The following GON4L variants were observed in gnomAD, a reference collection of about 807,000 sequenced individuals.
GON4L encodes gon-4 like, also known as GON-4-like protein.
GON4L carries 87 observed loss-of-function variants against 211.8 expected under a neutral mutation model. The ratio of observed to expected loss-of-function variants is 0.41; its 90% confidence interval spans 0.35 to 0.49. The LOEUF (loss-of-function observed/expected upper bound fraction) is 0.49. Ranked by LOEUF, GON4L falls within the 20% of genes least tolerant of loss-of-function variation. The pLI, the probability that GON4L is intolerant of heterozygous loss-of-function variation, is 0.15. For missense variants in GON4L, 2,155 were observed against 2,659.5 expected (o/e 0.81, Z 4.17); for synonymous variants, 875 against 962.6 (o/e 0.91, Z 1.68).
At chr1:155,776,588 T>C in intron 15 of GON4L, 107 bp from the exon 16 acceptor site, 1 of 899,738 alleles carries the variant, frequency 1.1e-6, no homozygotes, top group Non-Finnish European at 1.8e-6. Flanking sequence ...TCTCTCTCTG[T>C]CACTCAGGCT....
At chr1:155,831,317 C>T (rs1299754799) in intron 2 of GON4L, among the ~76,000 whole-genome samples, 1 of 151,904 alleles carries the variant, frequency 6.6e-6, no homozygotes, top group African/African-American at 2.4e-5. Context: ...TTATGTGTGG[C>T]TTCATGCCTG....
chr1:155,826,694 C>A, intron 3 of GON4L, 143 bp downstream of exon 3: 2 of 649,352 alleles, frequency 3.1e-6, no homozygotes, highest in East Asian at 2.8e-5. Flanking sequence ...CATTCTCTAT[C>A]TTGATCTGGG....
At chr1:155,798,712 C>A (rs548741488) in intron 11 of GON4L, among the ~76,000 whole-genome samples, 1 of 150,850 alleles carries the variant, frequency 6.6e-6, no homozygotes, top group Non-Finnish European at 1.5e-5. Flanking sequence ...AGAGACACTG[C>A]GCCTGATCAA....
chr1:155,753,329 C>T lies in GON4L; in HGVS notation c.5717G>A (p.Gly1906Asp), dbSNP rs775222443. 8.1e-6 allele frequency: 13 copies of T among 1,613,318 alleles called. No individual in the cohort carries two copies. The Admixed American group carries it at 1.2e-4, about 14-fold the overall frequency. The part of the protein sequence containing the change: ...SPHREASPMP[G>D]AKEAGQGKDM... ...CTTGCCCTGCCCAGCTTCCTTAGCA[C>T]CAGGCATAGGACTAGCCTCTCGGTG... The change falls in exon 29 of 32, where the codon GGT becomes GAT. Residue 1906 changes from glycine (G) to aspartate (D), a missense_variant. By Grantham distance (94) the Gly-to-Asp change is moderately conservative. Around this residue, in one of 6 missense-constraint regions of GON4L, gnomAD observed 455 missense variants for 504.6 expected, o/e 0.90. Coordinates refer to ENST00000368331, the MANE Select transcript of GON4L (RefSeq NM_001282860.2).
chr1:155,822,915 C>T (rs957770158), intron 3 of GON4L, among the ~76,000 whole-genome samples: 3 of 152,348 alleles, frequency 2.0e-5, no homozygotes, highest in South Asian at 2.1e-4. Context: ...CCTGCCTCAG[C>T]CTCCCGAGTA....
chr1:155,813,772 G>A lies in GON4L; in HGVS notation c.1314C>T (p.His438=), dbSNP rs750195907. ...AEKVTTPAIR[H]ISAEVVPMGP... is the part of the protein sequence containing the mutation. ...CCATGGGCACTACCTCAGCACTGAT[G>A]TGCCTGATGGCTGGTGTGGTGACTT... The change falls in exon 10 of 32, where the codon CAC becomes CAT. Residue 438 remains histidine, a synonymous_variant. Transcript: ENST00000368331. The A allele has an allele frequency of 3.1e-6, 5 of 1,614,038 alleles. No individual in the cohort carries two copies. In the East Asian group the frequency reaches 8.9e-5, roughly 29 times the overall value.
chr1:155,844,221 A>G (rs1409127134), intron 2 of GON4L, among the ~76,000 whole-genome samples: 1 of 152,220 alleles, frequency 6.6e-6, no homozygotes, highest in Non-Finnish European at 1.5e-5. Context: ...CTAGTCAGAC[A>G]TTAAGAAAAA....
At chr1:155,781,751 G>A (rs1019767004) in intron 14 of GON4L, among the ~76,000 whole-genome samples, 1 of 150,818 alleles carries the variant, frequency 6.6e-6, no homozygotes. Flanking sequence ...GTGAGCCACC[G>A]CACCCGGCCT....
intron 10 of GON4L, among the ~76,000 whole-genome samples, chr1:155,807,871 T>C (rs532205242): frequency 2.0e-5 from 3 of 152,132 alleles, no homozygotes; most frequent in South Asian, 2.1e-4. Flanking sequence ...AGGGACTGCA[T>C]TGAATCTGTA....
rs771048642 is a variant in GON4L, at chr1:155,853,699, G to C, written c.82C>G (p.Leu28Val). ...KGNQEENNVD[L>V]ESAVKPESDQ... ...GATTCTGGTTTAACGGCTGATTCTA[G>C]GTCTACGTTGTTTTCCTCTTGATTG... Residue 28 changes from leucine to valine, a missense_variant, in exon 2 of 32, where the codon CTA becomes GTA. By Grantham distance (32) the Leu-to-Val change is conservative. This residue lies in a region of GON4L where 313 missense variants were observed against 293.2 expected (regional missense o/e 1.07). Transcript: ENST00000368331. 1.2e-6 allele frequency: 2 copies of C among 1,613,348 alleles called. No homozygotes were observed. The highest frequency in any genetic ancestry group is 1.1e-5 in the South Asian group (1 of 91,056).
intron 2 of GON4L, among the ~76,000 whole-genome samples, chr1:155,832,512 G>T (rs867737289): frequency 1.4e-4 from 22 of 151,924 alleles, no homozygotes; most frequent in Middle Eastern, 3.4e-3. Context: ...GGTGGCAGGC[G>T]CCTGTAATCC....
chr1:155,822,279 T>C lies in GON4L; in HGVS notation c.888+7A>G, dbSNP rs770855544. ...TCCATTTACATAACTGCCCCAGTCT[T>C]ACTCACATGAAGGATGTTTCGGACA... On this transcript the variant is annotated splice_region_variant and intron_variant, in intron 4 of 31. Coordinates refer to ENST00000368331, the MANE Select transcript of GON4L (RefSeq NM_001282860.2). The C allele has an allele frequency of 2.5e-6, 4 of 1,608,630 alleles. No individual in the cohort carries two copies. Among genetic ancestry groups the C allele is most frequent in the Non-Finnish European group, 2.6e-6 (3 of 1,174,932 alleles).
At position 155,776,464 on chromosome 1, in the gene GON4L, G is replaced by C. The variant is rs745621898; in HGVS notation, c.2109C>G (p.Thr703=). The C allele has an allele frequency of 5.0e-6, 8 of 1,612,404 alleles. No individual in the cohort carries two copies. In the South Asian group the frequency reaches 8.8e-5, roughly 18 times the overall value. Residue 703 remains threonine, a synonymous_variant, in exon 16 of 32, where the codon ACC becomes ACG. Coordinates refer to ENST00000368331, the MANE Select transcript of GON4L (RefSeq NM_001282860.2). ...TGCAGGTGGCAAGAAGGTGGATTTG[G>C]GTCAAGAGCTGAACGTGCTGGGGAT... ...QQMQQHVQLL[T]QIHLLATCNP...
intron 17 of GON4L, chr1:155,774,764 T>C: frequency 1.6e-6 from 1 of 606,146 alleles, no homozygotes; most frequent in South Asian, 1.9e-5. Context: ...CTCAGATCTC[T>C]ACCTCCCATA....
chr1:155,759,820 G>A (rs1043065559), intron 24 of GON4L, among the ~76,000 whole-genome samples: 2 of 151,494 alleles, frequency 1.3e-5, no homozygotes, highest in Non-Finnish European at 2.9e-5. Context: ...CCATACCACA[G>A]TGGCCTTCCC....
At chr1:155,830,383 T>G (rs1669644767) in intron 2 of GON4L, among the ~76,000 whole-genome samples, 1 of 151,686 alleles carries the variant, frequency 6.6e-6, no homozygotes, top group Non-Finnish European at 1.5e-5. Flanking sequence ...GTTCAAGAGA[T>G]TCTCCTGGCT....
At chr1:155,783,537 G>A (rs1219177567) in intron 14 of GON4L, among the ~76,000 whole-genome samples, 2 of 152,224 alleles carry the variant, frequency 1.3e-5, no homozygotes, top group Non-Finnish European at 2.9e-5. Context: ...AGGTCAGCAC[G>A]TATGTTTCAG....
chr1:155,851,352 T>C (rs867975369), intron 2 of GON4L, among the ~76,000 whole-genome samples: 13 of 146,770 alleles, frequency 8.9e-5, no homozygotes, highest in African/African-American at 2.0e-4. Context: ...AGACTACGTC[T>C]CAAAAAAAAA....
chr1:155,788,286 C>A (rs1023372626), intron 12 of GON4L, among the ~76,000 whole-genome samples: 2 of 152,122 alleles, frequency 1.3e-5, no homozygotes, highest in Non-Finnish European at 2.9e-5. Context: ...CGCCACCATG[C>A]CCAGCCAACA....
Sources: gnomAD v4.1 joint callset for allele counts (sites outside exome capture counted in the v4.1 genomes callset) on GRCh38, gnomAD v4.1.1 for gene constraint, gnomAD v4.1.1 regional missense constraint, MANE v1.5 for transcripts, NCBI Gene and HGNC (gene_info 2026-07-23, HGNC 2026-07-21) for gene names.